The following TMTC3 variants were observed in gnomAD, a reference collection of about 807,000 sequenced individuals.
The protein encoded by TMTC3 is transmembrane O-mannosyltransferase targeting cadherins 3.
A neutral mutation model predicts 92.2 loss-of-function variants in TMTC3; 52 were observed. The observed-to-expected ratio is 0.56, with a 90% CI of 0.45 to 0.71. TMTC3 has a LOEUF of 0.71. TMTC3 is among the 30% of genes least tolerant of loss of function. The pLI, the probability that TMTC3 is intolerant of heterozygous loss-of-function variation, is 0.00. For synonymous variants in TMTC3, 339 were observed against 363.3 expected (o/e 0.93, Z 0.76); for missense variants, 896 against 1,057.1 (o/e 0.85, Z 2.11).
intron 10 of TMTC3, among the ~76,000 whole-genome samples, chr12:88,186,768 G>C (rs2041382245): frequency 6.6e-6 from 1 of 151,974 alleles, no homozygotes; most frequent in African/African-American, 2.4e-5. Flanking sequence ...TTAGAAATTA[G>C]GTCTTTCATT....
At chr12:88,158,048 T>C (rs1483574257) in intron 4 of TMTC3, among the ~76,000 whole-genome samples, 1 of 152,196 alleles carries the variant, frequency 6.6e-6, no homozygotes, top group Non-Finnish European at 1.5e-5. Flanking sequence ...CCTTATTCTT[T>C]GTTACTTTTT....
intron 2 of TMTC3, 28 bp from the exon 3 acceptor site, chr12:88,153,263 A>G (rs1405510060): frequency 6.4e-7 from 1 of 1,552,058 alleles, no homozygotes; most frequent in South Asian, 1.2e-5. Context: ...AGGTACTTTA[A>G]TAATCACTGA....
chr12:88,187,958 C>T (rs925908686), intron 10 of TMTC3, among the ~76,000 whole-genome samples: 3 of 152,154 alleles, frequency 2.0e-5, no homozygotes, highest in Admixed American at 6.6e-5. Flanking sequence ...AATGAATCCT[C>T]ATCTCTTTCC....
Position 88,195,073 on chromosome 12 carries a change from A to T in TMTC3, c.2169A>T (p.Pro723=). The part of the protein sequence containing the change: ...SQTAKELKAL[P]ILEELLRYYP... ...CTGCAAAGGAATTAAAGGCTTTGCC[A>T]ATTTTGGAGGAGTTACTCAGATACT... Residue 723 remains proline (P), a synonymous_variant, in exon 14 of 14, where the codon CCA becomes CCT. Transcript: ENST00000266712. 1 of 1,613,896 alleles carries T rather than the reference A, an allele frequency of 6.2e-7. No individual in the cohort carries two copies. Among genetic ancestry groups the T allele is most frequent in the Non-Finnish European group, 8.5e-7 (1 of 1,179,926 alleles).
At chr12:88,179,525 T>G (rs1444875583) in intron 10 of TMTC3, among the ~76,000 whole-genome samples, 1 of 152,110 alleles carries the variant, frequency 6.6e-6, no homozygotes, top group East Asian at 1.9e-4. Flanking sequence ...AAATATGAGC[T>G]GGTAAGTATT....
intron 6 of TMTC3, among the ~76,000 whole-genome samples, chr12:88,164,739 T>C (rs917153836): frequency 1.3e-5 from 2 of 152,184 alleles, no homozygotes; most frequent in Admixed American, 1.3e-4. Flanking sequence ...AAGGCCAACA[T>C]GTTATTCACA....
intron 13 of TMTC3, 108 bp from the exon 14 acceptor site, chr12:88,194,730 G>A (rs2041487978): frequency 1.3e-6 from 1 of 759,654 alleles, no homozygotes; most frequent in South Asian, 4.3e-5. Context: ...ATGGAAATTA[G>A]TTGTTTTGAA....
intron 8 of TMTC3, among the ~76,000 whole-genome samples, chr12:88,173,859 C>A (rs1462895255): frequency 6.6e-6 from 1 of 152,092 alleles, no homozygotes; most frequent in African/African-American, 2.4e-5. Flanking sequence ...CAAGATCACA[C>A]AGCTAGTAAA....
chr12:88,196,732 T>G lies in TMTC3; in HGVS notation c.*1083T>G, dbSNP rs972679519. ...ATTTTGACTAAGCTTTCATAAAATA[T>G]TTGAAGCTATTTTAATCATCAAGTA... On this transcript the variant is annotated 3_prime_UTR_variant, in exon 14 of 14. Transcript: ENST00000266712. 1 of 151,914 alleles carries G rather than the reference T, an allele frequency of 6.6e-6. No homozygotes were observed. The highest frequency in any genetic ancestry group is 1.5e-5 in the Non-Finnish European group (1 of 67,824). The allele number at this position is 151,914 out of a possible 1,614,324, so 9.4% of individuals were successfully genotyped here. A position where few individuals can be genotyped will look rare whatever the true frequency, so the allele number is the denominator to read the frequency against.
At position 88,197,834 on chromosome 12, in the gene TMTC3, T is replaced by G. The variant is rs1310545422; in HGVS notation, c.*2185T>G. 1 of 152,122 alleles carries G rather than the reference T, an allele frequency of 6.6e-6. No homozygotes were observed. The highest frequency in any genetic ancestry group is 1.5e-5 in the Non-Finnish European group (1 of 68,002). 9.4% of individuals were successfully genotyped at this position (152,122 alleles called of 1,614,324 possible). ...TTCATATTAGAATCATCTGAGGACT[T>G]TTAATATGGAATCCACCTCATAACA... On this transcript the variant is annotated 3_prime_UTR_variant, in exon 14 of 14. Coordinates refer to ENST00000266712, the MANE Select transcript of TMTC3 (RefSeq NM_181783.4).
In TMTC3 at chr12:88,154,269, C is replaced by G. The variant is rs753016493; in HGVS notation, c.409-19C>G. On this transcript the variant is annotated intron_variant, in intron 3 of 13. Transcript: ENST00000266712. ...GATATTCTTTATTAATATGAACCCC[C>G]TTCATTTTTCCTTTCTAGGTAACAG... The G allele has an allele frequency of 2.0e-6, 3 of 1,536,152 alleles. No homozygotes were observed. The highest frequency in any genetic ancestry group is 1.7e-4 in the Middle Eastern group (1 of 5,906).
intron 2 of TMTC3, among the ~76,000 whole-genome samples, chr12:88,151,848 A>G (rs549199941): frequency 6.6e-6 from 1 of 152,280 alleles, no homozygotes; most frequent in South Asian, 2.1e-4. Context: ...TATATGCCTG[A>G]GATGAAATTT....
rs1322301638 is a variant in TMTC3 at position 88,195,271 on chromosome 12, A to T, written c.2367A>T (p.Lys789Asn). Residue 789 changes from lysine (K) to asparagine (N), a missense_variant, in exon 14 of 14, where the codon AAA (lysine) becomes AAT (asparagine). By Grantham distance (94) the Lys-to-Asn change is moderately conservative. Coordinates refer to ENST00000266712, the MANE Select transcript of TMTC3 (RefSeq NM_181783.4). ...VVYFEEKDLLKAERCLLETLA... is the reference protein window; with the variant it reads ...VVYFEEKDLLNAERCLLETLA... The stretch of plus-strand genomic sequence containing the variant: ...ATTTTGAAGAAAAAGACTTATTAAA[A>T]GCTGAAAGATGCCTTCTTGAAACAC... The T allele has an allele frequency of 9.3e-6, 15 of 1,613,878 alleles. No individual in the cohort carries two copies. Among genetic ancestry groups the T allele is most frequent in the Non-Finnish European group, 1.2e-5 (14 of 1,179,904 alleles).
At position 88,195,887 on chromosome 12, in the gene TMTC3, A is replaced by G. The variant is rs2041506880; in HGVS notation, c.*238A>G. 1.6e-5 allele frequency: 5 copies of G among 313,808 alleles called. No individual in the cohort carries two copies. The highest frequency in any genetic ancestry group is 4.6e-5 in the Admixed American group (1 of 21,768). 19.4% of individuals were successfully genotyped at this position (313,808 alleles called of 1,614,324 possible). ...CAGAAATATTACAGCGGAAGTGACA[A>G]ATTTACAACTTTTATTATAGAAAGA... On this transcript the variant is annotated 3_prime_UTR_variant, in exon 14 of 14. Coordinates refer to ENST00000266712, the MANE Select transcript of TMTC3 (RefSeq NM_181783.4).
At chr12:88,177,797 A>G (rs1381503698) in intron 10 of TMTC3, among the ~76,000 whole-genome samples, 1 of 152,172 alleles carries the variant, frequency 6.6e-6, no homozygotes. Flanking sequence ...TTTTCTAGTA[A>G]GTACAACTAT....
intron 11 of TMTC3, 49 bp downstream of exon 11, chr12:88,188,995 A>G (rs533534871): frequency 2.1e-6 from 2 of 957,546 alleles, no homozygotes; most frequent in African/African-American, 1.7e-5. Flanking sequence ...AGATGTCCAT[A>G]TTGAATAGAA....
At chr12:88,174,480 A>G in intron 8 of TMTC3, 127 bp from the exon 9 acceptor site, 1 of 1,116,162 alleles carries the variant, frequency 9.0e-7, no homozygotes, top group Non-Finnish European at 1.2e-6. Flanking sequence ...CATTAGAATG[A>G]ATTAGAATAA....
In TMTC3 at chr12:88,153,451, A is replaced by G. The variant is rs778549152; in HGVS notation, c.350A>G (p.Asn117Ser). ...AAAGTATGCAAACTTTTTCTGGACA[A>G]CAAGAGTAGTGTGATTGCTTCTTTA... ...FLKVCKLFLD[N>S]KSSVIASLLF... Residue 117 changes from asparagine to serine, a missense_variant, in exon 3 of 14, where the codon AAC becomes AGC. Asn to Ser is a conservative substitution (Grantham distance 46, BLOSUM62 1). Transcript: ENST00000266712. 6.2e-7 allele frequency: 1 copy of G among 1,613,516 alleles called. No individual in the cohort carries two copies. The highest frequency in any genetic ancestry group is 8.5e-7 in the Non-Finnish European group (1 of 1,179,792).
At chr12:88,192,021 T>TC (rs1555234655) in intron 12 of TMTC3, among the ~76,000 whole-genome samples, 1 of 131,926 alleles carries the variant, frequency 7.6e-6, no homozygotes, top group Non-Finnish European at 1.5e-5. Flanking sequence ...TTTCTTTTTT[T>TC]TTTTTTCTTT....
Sources: allele counts gnomAD v4.1 joint callset (sites outside exome capture counted in the v4.1 genomes callset), GRCh38; gene constraint gnomAD v4.1.1; transcripts MANE v1.5; gene names NCBI Gene and HGNC (gene_info 2026-07-23, HGNC 2026-07-21).